Variants in GNAL observed in about 807,000 individuals in gnomAD.
GNAL encodes the protein G protein subunit alpha L, also known as guanine nucleotide-binding protein G(olf) subunit alpha.
In GNAL, 18 loss-of-function variants were observed where a neutral mutation model predicts 55.1. The observed-to-expected ratio is 0.33, with a 90% CI of 0.23 to 0.48. The LOEUF (loss-of-function observed/expected upper bound fraction) is 0.48, where lower values mean the gene tolerates loss of function less well. Among genes scored for constraint, GNAL ranks in the 20% least tolerant of loss-of-function variants. The pLI is 0.99. For missense variants in GNAL, 412 were observed against 614.1 expected, an observed-to-expected ratio of 0.67 and a Z score of 3.48; for synonymous variants, 253 against 237.0, an observed-to-expected ratio of 1.07 and a Z score of -0.62.
At chr18:11,852,165 CTG>C (rs1406208688) in intron 5 of GNAL, 8 of 1,504,214 alleles carry the variant, frequency 5.3e-6, no homozygotes, top group Admixed American at 2.2e-5. Context: ...GAAATGCTCT[CTG>C]TGTGTTAGAG....
intron 4 of GNAL, among the ~76,000 whole-genome samples, chr18:11,778,174 G>T (rs1286952361): frequency 1.3e-5 from 2 of 152,206 alleles, no homozygotes. Context: ...GAGAGCTGTT[G>T]TTCGATTTCC....
At chr18:11,830,017 A>C (rs947056976) in intron 5 of GNAL, among the ~76,000 whole-genome samples, 3 of 152,122 alleles carry the variant, frequency 2.0e-5, no homozygotes, top group African/African-American at 7.2e-5. Flanking sequence ...AAAATAAATA[A>C]GTAAATAAAG....
chr18:11,813,551 C>G (rs1033990558), intron 4 of GNAL, among the ~76,000 whole-genome samples: 2 of 152,094 alleles, frequency 1.3e-5, no homozygotes, highest in Non-Finnish European at 2.9e-5. Context: ...ATAGCCGAAA[C>G]AATGTTAGAA....
chr18:11,834,406 G>A (rs950101233), intron 5 of GNAL, among the ~76,000 whole-genome samples: 4 of 152,144 alleles, frequency 2.6e-5, no homozygotes, highest in Non-Finnish European at 5.9e-5. Flanking sequence ...ATGTAGAAAT[G>A]TGAAAAGGAG....
At chr18:11,815,442 G>T (rs1352983660) in intron 4 of GNAL, among the ~76,000 whole-genome samples, 1 of 152,142 alleles carries the variant, frequency 6.6e-6, no homozygotes, top group Non-Finnish European at 1.5e-5. Flanking sequence ...ATGGCAGAAG[G>T]CAAAGGAGAA....
intron 4 of GNAL, among the ~76,000 whole-genome samples, chr18:11,769,255 T>C (rs1171550823): frequency 6.7e-6 from 1 of 149,970 alleles, no homozygotes; most frequent in Non-Finnish European, 1.5e-5. Flanking sequence ...TGTAGTTTAA[T>C]GCTAACTCAT....
intron 4 of GNAL, among the ~76,000 whole-genome samples, chr18:11,770,104 T>TA (rs1321351406): frequency 6.6e-6 from 1 of 152,206 alleles, no homozygotes; most frequent in Non-Finnish European, 1.5e-5. Flanking sequence ...CATTATTAAA[T>TA]ATTCATAATA....
chr18:11,822,829 T>C (rs77858162), intron 4 of GNAL, among the ~76,000 whole-genome samples: 99,659 of 146,618 alleles, frequency 0.68, 35,862 homozygotes, highest in Admixed American at 0.81. Flanking sequence ...TCTTTTTTTT[T>C]TTTTTTTTTT....
chr18:11,780,638 C>T (rs941637424), intron 4 of GNAL, among the ~76,000 whole-genome samples: 3 of 152,112 alleles, frequency 2.0e-5, no homozygotes, highest in Non-Finnish European at 4.4e-5. Context: ...CCATTCTCAA[C>T]CAGACACAGT....
In GNAL at chr18:11,689,863, A is replaced by G. The variant is rs2031180744; in HGVS notation, c.300A>G (p.Lys100=). Residue 100 remains lysine (K), a synonymous_variant, in exon 1 of 12, where the codon AAA becomes AAG. Coordinates refer to ENST00000334049, the MANE Select transcript of GNAL (RefSeq NM_182978.4). ...KEREAVKEAR[K]VSRGIDRMLR... ...GCGAGGCGGTCAAGGAGGCGAGGAA[A>G]GTGAGCCGGGGCATCGACCGCATGC... 17 of 1,519,544 alleles carry G rather than the reference A, an allele frequency of 1.1e-5. No homozygotes were observed. The highest frequency in any genetic ancestry group is 2.8e-5 in the East Asian group (1 of 36,308). The allele number at this position is 1,519,544 out of a possible 1,614,324, so 94.1% of individuals were successfully genotyped here. A position where few individuals can be genotyped will look rare whatever the true frequency, so the allele number is the denominator to read the frequency against.
chr18:11,797,953 A>G (rs574562515), intron 4 of GNAL, among the ~76,000 whole-genome samples: 1 of 152,328 alleles, frequency 6.6e-6, no homozygotes, highest in Non-Finnish European at 1.5e-5. Context: ...TAGTGAATTA[A>G]CCAGACAGTG....
chr18:11,858,687 C>G (rs2036063783), intron 5 of GNAL, among the ~76,000 whole-genome samples: 1 of 152,134 alleles, frequency 6.6e-6, no homozygotes, highest in African/African-American at 2.4e-5. Flanking sequence ...GGCATATTCA[C>G]ATTTTGGGGT....
intron 2 of GNAL, 110 bp downstream of exon 2, chr18:11,753,035 C>T: frequency 1.7e-6 from 1 of 603,024 alleles, no homozygotes; most frequent in Non-Finnish European, 3.0e-6. Flanking sequence ...ATGGAGTAGA[C>T]ATTCAAGGGG....
chr18:11,872,044 G>A (rs1168762689), intron 9 of GNAL, among the ~76,000 whole-genome samples: 1 of 152,182 alleles, frequency 6.6e-6, no homozygotes, highest in Non-Finnish European at 1.5e-5. Flanking sequence ...GGATTTTGAA[G>A]CATTTTGGAT....
At chr18:11,860,209 G>A (rs2036101020) in intron 5 of GNAL, among the ~76,000 whole-genome samples, 1 of 152,306 alleles carries the variant, frequency 6.6e-6, no homozygotes, top group South Asian at 2.1e-4. Context: ...AACACCAGCA[G>A]ATCCACTCCT....
At chr18:11,773,353 G>A (rs2143295398) in intron 4 of GNAL, among the ~76,000 whole-genome samples, 1 of 152,334 alleles carries the variant, frequency 6.6e-6, no homozygotes, top group South Asian at 2.1e-4. Flanking sequence ...ATGTGTTGGA[G>A]CAGGAGATAA....
At chr18:11,880,826 G>T (rs558978432) in intron 11 of GNAL, among the ~76,000 whole-genome samples, 163 bp from the exon 12 acceptor site, 2 of 152,036 alleles carry the variant, frequency 1.3e-5, no homozygotes, top group African/African-American at 2.4e-5. Flanking sequence ...CTGGGTCCTC[G>T]GCCGATGCTT....
At chr18:11,824,799 A>G (rs1009589450) in intron 4 of GNAL, 119 bp from the exon 5 acceptor site, 3 of 604,566 alleles carry the variant, frequency 5.0e-6, no homozygotes, top group Non-Finnish European at 8.7e-6. Context: ...GCAGACTTCC[A>G]CAAAGAAAAT....
chr18:11,711,459 G>T (rs994047654), intron 1 of GNAL, among the ~76,000 whole-genome samples: 35 of 150,848 alleles, frequency 2.3e-4, no homozygotes, highest in African/African-American at 8.3e-4. Context: ...CTTTGAGTTT[G>T]TTGATTCTTT....
Sources: gnomAD v4.1 joint callset for allele counts (sites outside exome capture counted in the v4.1 genomes callset) on GRCh38, gnomAD v4.1.1 for gene constraint, MANE v1.5 for transcripts, NCBI Gene and HGNC (gene_info 2026-07-23, HGNC 2026-07-21) for gene names.